Variants in KCNAB2 observed in about 807,000 individuals in gnomAD.
KCNAB2 encodes the protein potassium voltage-gated channel subfamily A regulatory beta subunit 2.
Under a neutral mutation model 63.6 loss-of-function variants are expected in KCNAB2, and 29 were observed. The ratio of observed to expected loss-of-function variants is 0.46; its 90% CI spans 0.34 to 0.62. The LOEUF (loss-of-function observed/expected upper bound fraction) is 0.62, where lower values mean the gene tolerates loss of function less well. Among genes scored for constraint, KCNAB2 ranks in the 20% least tolerant of loss-of-function variants. The pLI is 0.01. For synonymous variants in KCNAB2, 222 were observed against 224.2 expected, an observed-to-expected ratio of 0.99 and a Z score of 0.09; for missense variants, 359 against 563.9, an observed-to-expected ratio of 0.64 and a Z score of 3.68.
chr1:6,096,001 A>C lies in KCNAB2; in HGVS notation c.948+377A>C. On this transcript the variant is annotated intron_variant, in intron 13 of 15. Transcript: ENST00000378083. The surrounding 1 kb of genome is among the most constrained non-coding windows in gnomAD (Gnocchi z 5.9). ...TCCGAGATGGGGGCTGCAAAGCCAC[A>C]TGGAGGTGACCCTGGGAGAGGCGCC... 3 of 447,790 alleles carry C rather than the reference A, an allele frequency of 6.7e-6. No homozygotes were observed. The highest frequency in any genetic ancestry group is 1.3e-5 in the Non-Finnish European group (3 of 222,942). 27.7% of individuals were successfully genotyped at this position (447,790 alleles called of 1,614,324 possible). A position where few individuals can be genotyped will look rare whatever the true frequency, so the allele number is the denominator to read the frequency against.
rs543565293 is a variant in KCNAB2 at position 6,073,158 on chromosome 1, C to T, written c.262+360C>T. Among the ~76,000 whole-genome samples, 2 of 152,290 alleles carry T rather than the reference C, an allele frequency of 1.3e-5. No homozygotes were observed. Among genetic ancestry groups the T allele is most frequent in the East Asian group, 1.9e-4 (1 of 5,180 alleles). ...CAAGGCAGGCTCAGCTCGTGAGTCC[C>T]TCCTGGAGCGCCATTGGATTTGGCC... On this transcript the variant is annotated intron_variant, in intron 3 of 15. Transcript: ENST00000378083. The surrounding 1 kb of genome is among the most constrained non-coding windows in gnomAD (Gnocchi z 5.7).
chr1:6,005,430 T>TGGAGTGGGGGGAC lies in KCNAB2; in HGVS notation c.-53+12643_-53+12644insGAGTGGGGGGACG, dbSNP rs1557922568. ...GAGGGGTGGGGGTGGAGTTGTGGGT[T>TGGAGTGGGGGGAC]GTGTGAGCTGAGCTGAGGGGTGAGG... is the stretch of plus-strand genomic sequence containing the variant. On this transcript the variant is annotated intron_variant, in intron 1 of 16. Transcript: ENST00000341524. Among the ~76,000 whole-genome samples the TGGAGTGGGGGGAC allele has an allele frequency of 2.2e-3, 4 of 1,818 alleles. 1 individual carries two copies. Among genetic ancestry groups the TGGAGTGGGGGGAC allele is most frequent in the East Asian group, 0.045 (1 of 22 alleles). 1.2% of individuals were successfully genotyped at this position (1,818 alleles called of 152,430 possible).
chr1:6,044,007 C>T (rs1442981310), upstream of KCNAB2, among the ~76,000 whole-genome samples: 7 of 152,218 alleles, frequency 4.6e-5, no homozygotes, highest in African/African-American at 1.7e-4. Context: ...GGGCCTACCC[C>T]AGGCATGTCC....
chr1:6,052,187 C>T (rs570032658), intron 2 of KCNAB2, among the ~76,000 whole-genome samples: 3 of 151,912 alleles, frequency 2.0e-5, no homozygotes, highest in African/African-American at 4.8e-5. Context: ...TTTGGGAGGC[C>T]GAGGTGGGTG....
chr1:6,043,190 C>T (rs116020879), upstream of KCNAB2, among the ~76,000 whole-genome samples: 1,492 of 152,204 alleles, frequency 9.8e-3, 23 homozygotes, highest in African/African-American at 0.033. Flanking sequence ...CTCAGAGAGC[C>T]GGGAGCAGCC....
chr1:6,018,121 A>G (rs1308705107), intron 1 of KCNAB2, among the ~76,000 whole-genome samples: 6 of 151,986 alleles, frequency 3.9e-5, no homozygotes, highest in African/African-American at 1.2e-4. Flanking sequence ...TTTTGTAGAA[A>G]AGGTGTCTCA....
chr1:6,066,414 A>T (rs1286389496), intron 2 of KCNAB2, among the ~76,000 whole-genome samples: 2 of 152,086 alleles, frequency 1.3e-5, no homozygotes, highest in Non-Finnish European at 2.9e-5. Flanking sequence ...GAGGGCCGGG[A>T]GGGGCTGTGC....
At chr1:6,030,348 G>A (rs1425495966), upstream of KCNAB2, among the ~76,000 whole-genome samples, 1 of 152,164 alleles carries the variant, frequency 6.6e-6, no homozygotes, top group African/African-American at 2.4e-5. Flanking sequence ...AGAGGTTCAG[G>A]GGCAAGTCTC....
At chr1:6,011,676 G>A (rs760343043) in intron 1 of KCNAB2, among the ~76,000 whole-genome samples, 5 of 152,336 alleles carry the variant, frequency 3.3e-5, no homozygotes, top group Admixed American at 6.5e-5. Context: ...AAATAGAAAC[G>A]GGGCTCTGGT....
In KCNAB2 at chr1:6,073,601, C is replaced by T; in HGVS notation, c.263-132C>T. 1.2e-6 allele frequency: 1 copy of T among 807,272 alleles called. No individual in the cohort carries two copies. 50.0% of individuals were successfully genotyped at this position (807,272 alleles called of 1,614,324 possible). A position where few individuals can be genotyped will look rare whatever the true frequency, so the allele number is the denominator to read the frequency against. ...CAGCTGTCCACACACACTAAGGACA[C>T]CCTGGCCACAGAGCAGCACAGAGGG... On this transcript the variant is annotated intron_variant, in intron 3 of 15. Coordinates refer to ENST00000378083, the MANE Select transcript of KCNAB2 (RefSeq NM_001199862.2). The surrounding 1 kb of genome is among the most constrained non-coding windows in gnomAD (Gnocchi z 5.7).
At chr1:6,025,260 T>A (rs1659070087) in intron 1 of KCNAB2, among the ~76,000 whole-genome samples, 1 of 151,878 alleles carries the variant, frequency 6.6e-6, no homozygotes, top group Admixed American at 6.6e-5. Context: ...GGAGAGGGGG[T>A]GCCAGCCTCC....
rs376628546 is a variant in KCNAB2, at chr1:6,073,695, G to T, written c.263-38G>T. 6.2e-7 allele frequency: 1 copy of T among 1,611,390 alleles called. No individual in the cohort carries two copies. The highest frequency in any genetic ancestry group is 8.5e-7 in the Non-Finnish European group (1 of 1,177,520). The stretch of plus-strand genomic sequence containing the variant: ...CACCGACGGGATAATCTGGCTTCCT[G>T]CCAGGTTCCTAACTTGAGCCCCTGT... On this transcript the variant is annotated intron_variant, in intron 3 of 15. Transcript: ENST00000378083. The surrounding 1 kb of genome is among the most constrained non-coding windows in gnomAD (Gnocchi z 5.7).
rs1659974522 is a variant in KCNAB2 at position 6,035,617 on chromosome 1, GC to G, written c.-53+825del. Among the ~76,000 whole-genome samples the G allele has an allele frequency of 6.6e-6, 1 of 152,074 alleles. No individual in the cohort carries two copies. The highest frequency in any genetic ancestry group is 2.4e-5 in the African/African-American group (1 of 41,400). On this transcript the variant is annotated intron_variant, in intron 1 of 15. Transcript: ENST00000164247. The surrounding 1 kb of genome is among the most constrained non-coding windows in gnomAD (Gnocchi z 5.0). The stretch of plus-strand genomic sequence containing the variant: ...GTGGGGAGCTCGTTACTCATCTGGG[GC>G]CACCCTGGGAAGAACTGGGCTGGGG...
At chr1:6,048,899 G>C (rs1039457781) in intron 1 of KCNAB2, among the ~76,000 whole-genome samples, 17 of 152,234 alleles carry the variant, frequency 1.1e-4, no homozygotes, top group Non-Finnish European at 1.8e-4. Flanking sequence ...CTGTCTGTGG[G>C]TGCCAAGGGC....
At chr1:5,996,390 C>T (rs1034635724) in intron 1 of KCNAB2, among the ~76,000 whole-genome samples, 9 of 152,224 alleles carry the variant, frequency 5.9e-5, no homozygotes, top group Non-Finnish European at 1.2e-4. Flanking sequence ...GCCCTGGGCT[C>T]AGGCCCCTCC....
intron 6 of KCNAB2, chr1:6,085,931 C>G (rs1664660834): frequency 1.0e-6 from 1 of 985,320 alleles, no homozygotes; most frequent in African/African-American, 1.7e-5. Context: ...GGGGAGCGGT[C>G]CCCGGGTGTG....
upstream of KCNAB2, among the ~76,000 whole-genome samples, chr1:6,030,858 A>G (rs573106505): frequency 1.9e-3 from 272 of 146,444 alleles, no homozygotes; most frequent in African/African-American, 6.2e-3. Flanking sequence ...ATGTGTGTGT[A>G]TGTATGTGTA....
Position 6,095,423 on chromosome 1 carries a change from C to T in KCNAB2, c.833C>T (p.Pro278Leu). ...FQREKVEVQL[P>L]ELFHKIGVGA... ...CGTGAGAAAGTGGAGGTGCAGCTGC[C>T]GGAGCTGTTCCACAAGATAGGTGGG... The change falls in exon 12 of 16, where the codon CCG (proline) becomes CTG (leucine). Residue 278 changes from proline (P) to leucine (L), a missense_variant. Pro to Leu is a moderately conservative substitution (Grantham distance 98, BLOSUM62 -3). Coordinates refer to ENST00000378083, the MANE Select transcript of KCNAB2 (RefSeq NM_001199862.2). 5.6e-6 allele frequency: 9 copies of T among 1,612,962 alleles called. No individual in the cohort carries two copies. Among genetic ancestry groups the T allele is most frequent in the African/African-American group, 1.3e-5 (1 of 75,044 alleles).
Position 6,086,205 on chromosome 1 carries a change from C to A in KCNAB2, c.425+957C>A. On this transcript the variant is annotated intron_variant, in intron 6 of 15. Coordinates refer to ENST00000378083, the MANE Select transcript of KCNAB2 (RefSeq NM_001199862.2). This position sits in a 1 kb window ranked among gnomAD's most constrained non-coding sequence, Gnocchi z 4.2. ...GTTGGGCCTCCCTCCTCCCTCCCCT[C>A]GAAATGCCACTCAGAATCCCAGTGC... 1.0e-6 allele frequency: 1 copy of A among 985,298 alleles called. No individual in the cohort carries two copies. The highest frequency in any genetic ancestry group is 1.2e-6 in the Non-Finnish European group (1 of 829,818). 61.0% of individuals were successfully genotyped at this position (985,298 alleles called of 1,614,324 possible). A position where few individuals can be genotyped will look rare whatever the true frequency, so the allele number is the denominator to read the frequency against.
Sources: gnomAD v4.1 joint callset for allele counts (sites outside exome capture counted in the v4.1 genomes callset) on GRCh38, gnomAD v4.1.1 for gene constraint, Gnocchi (gnomAD v3.1) non-coding constraint, MANE v1.5 for transcripts, NCBI Gene and HGNC (gene_info 2026-07-23, HGNC 2026-07-21) for gene names.